Variants in PRDX4 observed in about 807,000 individuals in gnomAD.
PRDX4 encodes the protein peroxiredoxin-4.
PRDX4 carries 12 observed loss-of-function variants against 20.5 expected under a neutral mutation model. The ratio of observed to expected loss-of-function variants is 0.58; its 90% CI spans 0.37 to 0.95. The LOEUF (loss-of-function observed/expected upper bound fraction) is 0.95, where lower values mean the gene tolerates loss of function less well. Ranked by LOEUF, PRDX4 falls within the 40% of genes least tolerant of loss-of-function variation. PRDX4 has a pLI of 0.01. For synonymous variants in PRDX4, 99 were observed against 87.5 expected, an observed-to-expected ratio of 1.13 and a Z score of -0.73; for missense variants, 180 against 207.3, an observed-to-expected ratio of 0.87 and a Z score of 0.81.
chrX:23,681,005 G>T (rs945588511), intron 4 of PRDX4, among the ~76,000 whole-genome samples: 5 of 111,454 alleles, frequency 4.5e-5, no homozygotes, highest in Non-Finnish European at 9.4e-5. Flanking sequence ...CAAGGCAGGC[G>T]GATCACGAGG....
intron 6 of PRDX4, 78 bp downstream of exon 6, chrX:23,683,783 G>C: frequency 1.1e-6 from 1 of 889,238 alleles, no homozygotes; most frequent in South Asian, 2.4e-5. Flanking sequence ...AGTGGCTCAC[G>C]CCTGTAATCC....
intron 2 of PRDX4, among the ~76,000 whole-genome samples, chrX:23,674,385 G>A (rs1385395957): frequency 1.8e-5 from 2 of 110,542 alleles, no homozygotes; most frequent in East Asian, 2.8e-4. Flanking sequence ...TCCCTACCAC[G>A]GTTTGAAAAA....
chrX:23,675,193 A>T, intron 3 of PRDX4, 87 bp downstream of exon 3: 2 of 1,198,027 alleles, frequency 1.7e-6, no homozygotes, highest in Non-Finnish European at 2.3e-6. Flanking sequence ...ATGATATAAG[A>T]ATATAGTCAT....
Position 23,667,679 on chromosome X carries a change from G to C in PRDX4, c.109G>C (p.Gly37Arg), listed in dbSNP as rs749921888. ...LFLLPAGAVQ[G>R]WETEERPRTR... ...CCTGCTGCCGGCTGGAGCTGTGCAG[G>C]GCTGGGAGACAGAGGAGAGGCCCCG... Residue 37 changes from glycine to arginine, a missense_variant, in exon 1 of 7, where the codon GGC becomes CGC. Transcript: ENST00000379341. The C allele has an allele frequency of 8.3e-7, 1 of 1,209,463 alleles. No homozygotes were observed. Among genetic ancestry groups the C allele is most frequent in the East Asian group, 3.0e-5 (1 of 33,721 alleles).
intron 3 of PRDX4, among the ~76,000 whole-genome samples, chrX:23,678,357 C>T (rs1467561800): frequency 1.8e-5 from 2 of 110,098 alleles, no homozygotes; most frequent in African/African-American, 6.6e-5. Flanking sequence ...AGGCCAGGCG[C>T]GGTGGCTCAC....
At chrX:23,685,714 T>A (rs766820838) in intron 6 of PRDX4, among the ~76,000 whole-genome samples, 1 of 24,769 alleles carries the variant, frequency 4.0e-5, no homozygotes, top group Admixed American at 4.8e-4. Context: ...AAATTTTTTT[T>A]AAGTCTAACA....
chrX:23,684,469 A>G (rs1017662179), intron 6 of PRDX4, among the ~76,000 whole-genome samples: 1 of 111,226 alleles, frequency 9.0e-6, no homozygotes, highest in Non-Finnish European at 1.9e-5. Flanking sequence ...AAAGATTGAA[A>G]CACGTATATT....
intron 2 of PRDX4, among the ~76,000 whole-genome samples, chrX:23,672,766 G>A (rs1249899329): frequency 1.8e-5 from 2 of 111,413 alleles, no homozygotes; most frequent in South Asian, 3.7e-4. Context: ...TGCAGGGAGG[G>A]TATACTTAAG....
In PRDX4 at chrX:23,683,664, C is replaced by G; in HGVS notation, c.731-7C>G. 1.7e-6 allele frequency: 2 copies of G among 1,205,359 alleles called. No individual in the cohort carries two copies. Among genetic ancestry groups the G allele is most frequent in the Non-Finnish European group, 2.2e-6 (2 of 892,616 alleles). ...AAATGTCTTCTGCCTCTTTTTGTTTCTTTTAGTCTGCCCTGCTGGCTGGAA... is the reference window on the plus strand; with the variant it reads ...AAATGTCTTCTGCCTCTTTTTGTTTGTTTTAGTCTGCCCTGCTGGCTGGAA... On this transcript the variant is annotated splice_polypyrimidine_tract_variant and splice_region_variant and intron_variant, in intron 5 of 6. Transcript: ENST00000379341.
intron 1 of PRDX4, among the ~76,000 whole-genome samples, chrX:23,669,785 C>A (rs1300900051): frequency 9.1e-6 from 1 of 109,837 alleles, no homozygotes. Context: ...GGTGTGATGG[C>A]GCATACCTGT....
chrX:23,682,853 A>AAAAAAAAAATATAT (rs1555933130), intron 5 of PRDX4, among the ~76,000 whole-genome samples: 1 of 14,874 alleles, frequency 6.7e-5, no homozygotes, highest in African/African-American at 2.2e-4. Context: ...AAAAAAAAAA[A>AAAAAAAAAATATAT]ATATATATAT....
At chrX:23,685,565 C>T (rs1367371188) in intron 6 of PRDX4, among the ~76,000 whole-genome samples, 1 of 111,230 alleles carries the variant, frequency 9.0e-6, no homozygotes, top group Non-Finnish European at 1.9e-5. Context: ...CAAAGCAAAA[C>T]TGTTTTGCAA....
At chrX:23,683,571 A>G (rs747862877) in intron 5 of PRDX4, 100 bp from the exon 6 acceptor site, 2 of 783,498 alleles carry the variant, frequency 2.6e-6, no homozygotes, top group Admixed American at 5.2e-5. Flanking sequence ...TCTTATTAGT[A>G]TATTCTATTC....
chrX:23,682,062 A>G (rs1360106533), intron 4 of PRDX4, among the ~76,000 whole-genome samples: 1 of 112,432 alleles, frequency 8.9e-6, no homozygotes, highest in Non-Finnish European at 1.9e-5. Context: ...AAAATTTATT[A>G]TTTATTTTCA....
At chrX:23,673,139 T>G (rs1927878316) in intron 2 of PRDX4, among the ~76,000 whole-genome samples, 1 of 111,987 alleles carries the variant, frequency 8.9e-6, no homozygotes, top group Non-Finnish European at 1.9e-5. Flanking sequence ...ACCCTGAATT[T>G]GGAAGTTAGT....
chrX:23,679,246 G>A lies in PRDX4; in HGVS notation c.558G>A (p.Lys186=). Residue 186 remains lysine, a synonymous_variant, in exon 4 of 7, where the codon AAG becomes AAA. Transcript: ENST00000379341. The part of the protein sequence containing the change: ...LLSDLTHQIS[K]DYGVYLEDSG... ...CAGATTTGACCCATCAGATCTCAAAGGACTATGGTGTATACCTAGAGGACT... is the reference window on the plus strand; with the variant it reads ...CAGATTTGACCCATCAGATCTCAAAAGACTATGGTGTATACCTAGAGGACT... 8.3e-7 allele frequency: 1 copy of A among 1,207,741 alleles called. No homozygotes were observed. Among genetic ancestry groups the A allele is most frequent in the Non-Finnish European group, 1.1e-6 (1 of 892,196 alleles).
chrX:23,671,365 CT>C, intron 1 of PRDX4, 163 bp from the exon 2 acceptor site: 1 of 359,501 alleles, frequency 2.8e-6, no homozygotes, highest in East Asian at 4.6e-5. Flanking sequence ...ATGTATTTTC[CT>C]TTTTGCATTC....
chrX:23,670,363 C>T (rs922841887), intron 1 of PRDX4, among the ~76,000 whole-genome samples: 3 of 111,341 alleles, frequency 2.7e-5, no homozygotes, highest in Non-Finnish European at 3.8e-5. Context: ...TCTATTTCTC[C>T]CTCCTGGCCT....
In PRDX4 at chrX:23,674,862, G is replaced by T. The variant is rs960566450; in HGVS notation, c.360-128G>T. Reference sequence around the variant, plus strand: ...TTTTAGACTACTCCATTTTGAAAAGGTTCAAATATAAAATTGTTCTTAATG... The same window carrying T: ...TTTTAGACTACTCCATTTTGAAAAGTTTCAAATATAAAATTGTTCTTAATG... On this transcript the variant is annotated intron_variant, in intron 2 of 6. Coordinates refer to ENST00000379341, the MANE Select transcript of PRDX4 (RefSeq NM_006406.2). 46 of 912,690 alleles carry T rather than the reference G, an allele frequency of 5.0e-5. No homozygotes were observed. The African/African-American group carries it at 9.1e-4, about 18-fold the overall frequency. 75.2% of individuals were successfully genotyped at this position (912,690 alleles called of 1,213,427 possible).
Sources: allele counts gnomAD v4.1 joint callset (sites outside exome capture counted in the v4.1 genomes callset), GRCh38; gene constraint gnomAD v4.1.1; transcripts MANE v1.5; gene names NCBI Gene and HGNC (gene_info 2026-07-23, HGNC 2026-07-21).